The following NELL2 variants were observed in gnomAD, a reference collection of about 807,000 sequenced individuals.
NELL2 encodes protein kinase C-binding protein NELL2.
A neutral mutation model predicts 109.6 loss-of-function variants in NELL2; 41 were observed. That is an observed-to-expected ratio of 0.37 (90% CI 0.29 to 0.49). The LOEUF (loss-of-function observed/expected upper bound fraction) is 0.49, where lower values mean the gene tolerates loss of function less well. Among genes scored for constraint, NELL2 ranks in the 20% least tolerant of loss-of-function variants. NELL2 has a pLI of 0.98. For missense variants in NELL2, 900 were observed against 1,008.3 expected (o/e 0.89, Z 1.45); for synonymous variants, 355 against 344.7 (o/e 1.03, Z -0.33).
upstream of NELL2, among the ~76,000 whole-genome samples, chr12:44,877,535 A>G (rs1296080501): frequency 6.6e-6 from 1 of 152,026 alleles, no homozygotes; most frequent in African/African-American, 2.4e-5. Context: ...CCAACTGGAT[A>G]CTAACAGCTA....
chr12:44,846,491 A>G (rs1468143993), intron 2 of NELL2, among the ~76,000 whole-genome samples: 3 of 152,196 alleles, frequency 2.0e-5, no homozygotes, highest in Non-Finnish European at 4.4e-5. Context: ...CTCCTCTGGA[A>G]CCATTATCAT....
chr12:44,874,347 C>T (rs1945252320), intron 2 of NELL2, among the ~76,000 whole-genome samples: 1 of 152,140 alleles, frequency 6.6e-6, no homozygotes, highest in South Asian at 2.1e-4. Flanking sequence ...TTCATGTATT[C>T]TTCACCATAC....
At chr12:44,911,872 C>T (rs2136893131) in intron 1 of NELL2, among the ~76,000 whole-genome samples, 1 of 151,532 alleles carries the variant, frequency 6.6e-6, no homozygotes, top group East Asian at 1.9e-4. Flanking sequence ...TTAAACTGCC[C>T]CCTGAGTTAA....
rs185651788 is a variant in NELL2 at position 44,596,028 on chromosome 12, T to C, written c.1663+11141A>G. Among the ~76,000 whole-genome samples the C allele has an allele frequency of 1.1e-3, 160 of 152,308 alleles. 1 individual carries two copies. The highest frequency in any genetic ancestry group is 3.6e-3 in the African/African-American group (148 of 41,568). On this transcript the variant is annotated intron_variant, in intron 15 of 19. Transcript: ENST00000429094. ...CAATTTCTTCTGGGGTTACCATACCTGACAAGATTTGTAGTTAGCAGTCAC... is the reference window on the plus strand; with the variant it reads ...CAATTTCTTCTGGGGTTACCATACCCGACAAGATTTGTAGTTAGCAGTCAC...
chr12:44,799,125 A>T (rs1942741032), intron 3 of NELL2, among the ~76,000 whole-genome samples: 1 of 151,550 alleles, frequency 6.6e-6, no homozygotes. Context: ...TGCCTGGCTA[A>T]TTTTTTATAT....
chr12:44,581,893 C>G (rs1485828068), intron 15 of NELL2, among the ~76,000 whole-genome samples: 1 of 152,122 alleles, frequency 6.6e-6, no homozygotes, highest in East Asian at 1.9e-4. Flanking sequence ...AAAAAAGTAT[C>G]TGATGATTGC....
intron 15 of NELL2, among the ~76,000 whole-genome samples, chr12:44,555,578 G>T (rs1330989330): frequency 6.6e-6 from 1 of 152,200 alleles, no homozygotes; most frequent in African/African-American, 2.4e-5. Flanking sequence ...TAAGTGAGGA[G>T]TGGACACTGG....
chr12:44,669,555 G>C (rs1486043754), intron 12 of NELL2, among the ~76,000 whole-genome samples: 1 of 151,676 alleles, frequency 6.6e-6, no homozygotes, highest in Non-Finnish European at 1.5e-5. Flanking sequence ...GCCATAAAAA[G>C]AAAAAACCAG....
chr12:44,756,434 A>G (rs975061888), intron 9 of NELL2, among the ~76,000 whole-genome samples: 1 of 151,984 alleles, frequency 6.6e-6, no homozygotes, highest in South Asian at 2.1e-4. Context: ...TGAGCCCTAC[A>G]TGTGCATCCA....
At chr12:44,662,886 T>G (rs1290341454) in intron 13 of NELL2, among the ~76,000 whole-genome samples, 1 of 152,034 alleles carries the variant, frequency 6.6e-6, no homozygotes, top group Non-Finnish European at 1.5e-5. Flanking sequence ...AAAACAAACA[T>G]GGAATTCCAT....
intron 15 of NELL2, among the ~76,000 whole-genome samples, chr12:44,576,163 C>G (rs1944074608): frequency 1.3e-5 from 2 of 152,250 alleles, no homozygotes; most frequent in South Asian, 4.1e-4. Flanking sequence ...AACCAATGAC[C>G]TCAGTAAAGC....
chr12:44,806,667 G>T (rs1670597453), intron 3 of NELL2, among the ~76,000 whole-genome samples: 2 of 151,620 alleles, frequency 1.3e-5, no homozygotes, highest in Non-Finnish European at 3.0e-5. Context: ...AGTGCCCATG[G>T]CATACTGATT....
At chr12:44,549,656 T>C (rs1321286057) in intron 15 of NELL2, among the ~76,000 whole-genome samples, 1 of 152,134 alleles carries the variant, frequency 6.6e-6, no homozygotes, top group African/African-American at 2.4e-5. Flanking sequence ...CAGAAAACAA[T>C]ACCATTTACA....
chr12:44,902,090 A>G (rs1387977126), intron 1 of NELL2, among the ~76,000 whole-genome samples: 1 of 152,222 alleles, frequency 6.6e-6, no homozygotes. Context: ...GTATTCAAAT[A>G]GGAAGACAGG....
intron 13 of NELL2, among the ~76,000 whole-genome samples, chr12:44,612,764 G>A (rs1042458517): frequency 2.6e-5 from 4 of 151,998 alleles, no homozygotes; most frequent in Admixed American, 2.6e-4. Flanking sequence ...ATGGACAGCC[G>A]TAGGCCCTTA....
At chr12:44,881,503 A>G (rs2136858439) in intron 1 of NELL2, among the ~76,000 whole-genome samples, 1 of 152,062 alleles carries the variant, frequency 6.6e-6, no homozygotes, top group South Asian at 2.1e-4. Context: ...ACAAACAAAA[A>G]TCATTAGAAT....
At chr12:44,712,490 G>C (rs1365926377) in intron 10 of NELL2, among the ~76,000 whole-genome samples, 1 of 151,874 alleles carries the variant, frequency 6.6e-6, no homozygotes, top group East Asian at 1.9e-4. Context: ...CAGACCCCTA[G>C]GACTGCTAAT....
chr12:44,655,440 A>T (rs1221910172), intron 13 of NELL2, among the ~76,000 whole-genome samples: 6 of 152,192 alleles, frequency 3.9e-5, no homozygotes, highest in African/African-American at 1.4e-4. Context: ...CAAGCTTTTC[A>T]TCTTTAAAAA....
At chr12:44,623,995 G>A (rs1431915944) in intron 13 of NELL2, among the ~76,000 whole-genome samples, 1 of 152,072 alleles carries the variant, frequency 6.6e-6, no homozygotes, top group African/African-American at 2.4e-5. Context: ...AGGGGGTGGG[G>A]GCTAGGGGAG....
Sources: gnomAD v4.1 joint callset for allele counts (sites outside exome capture counted in the v4.1 genomes callset) on GRCh38, gnomAD v4.1.1 for gene constraint, MANE v1.5 for transcripts, NCBI Gene and HGNC (gene_info 2026-07-23, HGNC 2026-07-21) for gene names.